The following PCDHA7 variants were observed in gnomAD, a reference collection of about 807,000 sequenced individuals.
PCDHA7 encodes the protein protocadherin alpha-7.
PCDHA7 carries 37 observed loss-of-function variants against 57.2 expected under a neutral mutation model. That is an observed-to-expected ratio of 0.65 (90% CI 0.50 to 0.85). PCDHA7 has a LOEUF of 0.85. Ranked by LOEUF, PCDHA7 falls within the 40% of genes least tolerant of loss-of-function variation. The probability of loss-of-function intolerance (pLI) is 0.00; values close to 1 mark genes in which losing one functional copy is unlikely to be tolerated. For synonymous variants in PCDHA7, 553 were observed against 558.8 expected, an observed-to-expected ratio of 0.99 and a Z score of 0.15; for missense variants, 1,188 against 1,241.8, an observed-to-expected ratio of 0.96 and a Z score of 0.65.
rs2150459394 is a variant in PCDHA7 at position 140,849,947 on chromosome 5, G to A, written c.2355+13209G>A. ...CGGTGTCTGCGCGGGACGCTGACGC[G>A]CAGGAGAACGCCCTGGTGTCCTACT... On this transcript the variant is annotated intron_variant, in intron 1 of 3. Transcript: ENST00000525929. 23 of 1,597,838 alleles carry A rather than the reference G, an allele frequency of 1.4e-5. 5 individuals carry two copies. The highest frequency in any genetic ancestry group is 3.3e-5 in the South Asian group (3 of 90,532).
Position 140,838,414 on chromosome 5 carries a change from G to A in PCDHA7, c.2355+1676G>A, listed in dbSNP as rs2150289048. 3.3e-5 allele frequency among the ~76,000 whole-genome samples: 5 copies of A among 151,096 alleles called. No homozygotes were observed. The South Asian group carries it at 6.3e-4, about 19-fold the overall frequency. On this transcript the variant is annotated intron_variant, in intron 1 of 3. Coordinates refer to ENST00000525929, the MANE Select transcript of PCDHA7 (RefSeq NM_018910.3). ...GCTGGGATTACAGGAGTGAGCCACC[G>A]CATCCGGCCTAAATTATATATTGGG...
chr5:140,853,105 T>G, intron 1 of PCDHA7: 1 of 397,242 alleles, frequency 2.5e-6, no homozygotes, highest in African/African-American at 2.2e-5. Context: ...GGTCTCGATC[T>G]CCTGACCTCA....
At chr5:140,888,426 C>G (rs1315110358) in intron 1 of PCDHA7, among the ~76,000 whole-genome samples, 1 of 152,168 alleles carries the variant, frequency 6.6e-6, no homozygotes, top group Non-Finnish European at 1.5e-5. Flanking sequence ...CTACCGTGCA[C>G]AGGACAGCCG....
intron 1 of PCDHA7, among the ~76,000 whole-genome samples, chr5:140,973,235 A>C (rs1390895303): frequency 6.6e-6 from 1 of 152,218 alleles, no homozygotes; most frequent in Non-Finnish European, 1.5e-5. Context: ...GTGACCTGAA[A>C]GAGTTAATTC....
intron 3 of PCDHA7, among the ~76,000 whole-genome samples, chr5:141,008,863 C>T (rs902385521): frequency 6.6e-6 from 1 of 152,204 alleles, no homozygotes. Flanking sequence ...CTCTTCCATG[C>T]TGCATCCCAC....
rs569728778 is a variant in PCDHA7 at position 140,900,297 on chromosome 5, T to G, written c.2355+63559T>G. 1.4e-4 allele frequency among the ~76,000 whole-genome samples: 22 copies of G among 151,920 alleles called. No individual in the cohort carries two copies. In the East Asian group the frequency reaches 4.1e-3, roughly 28 times the overall value. On this transcript the variant is annotated intron_variant, in intron 1 of 3. Transcript: ENST00000525929. Reference sequence around the variant, plus strand: ...TACCACACTTTCTTTTCTGTTTTTTTAGACAGTCTCACTTTTGTCGCCCAG... The same window carrying G: ...TACCACACTTTCTTTTCTGTTTTTTGAGACAGTCTCACTTTTGTCGCCCAG...
chr5:140,843,177 G>C lies in PCDHA7; in HGVS notation c.2355+6439G>C. ...CTGCAGCCAGCTGCAAGCAGCCCTC[G>C]CATCCCGTTCCGCGTGGGGCTGTAC... On this transcript the variant is annotated intron_variant, in intron 1 of 3. Transcript: ENST00000525929. 3.1e-6 allele frequency: 5 copies of C among 1,596,056 alleles called. 2 individuals are homozygous for C. Among genetic ancestry groups the C allele is most frequent in the Non-Finnish European group, 4.3e-6 (5 of 1,165,590 alleles).
In PCDHA7 at chr5:140,871,383, G is replaced by C. The variant is rs200820570; in HGVS notation, c.2355+34645G>C. 9.3e-6 allele frequency: 15 copies of C among 1,614,204 alleles called. No homozygotes were observed. The highest frequency in any genetic ancestry group is 6.7e-5 in the East Asian group (3 of 44,886). Reference sequence around the variant, plus strand: ...AGAGGCGGCAGAGGGTGTGCTCTGAGGAGGGCCCACCTAAGACGGACCTCA... The same window carrying C: ...AGAGGCGGCAGAGGGTGTGCTCTGACGAGGGCCCACCTAAGACGGACCTCA... On this transcript the variant is annotated intron_variant, in intron 1 of 3. Coordinates refer to ENST00000525929, the MANE Select transcript of PCDHA7 (RefSeq NM_018910.3).
At chr5:141,005,868 G>T (rs1428789229) in intron 3 of PCDHA7, among the ~76,000 whole-genome samples, 1 of 152,078 alleles carries the variant, frequency 6.6e-6, no homozygotes, top group African/African-American at 2.4e-5. Flanking sequence ...GGTCGATTGA[G>T]TCCAGGAGTT....
At chr5:140,902,702 C>T (rs78828243) in intron 1 of PCDHA7, among the ~76,000 whole-genome samples, 7,835 of 152,116 alleles carry the variant, frequency 0.052, 268 homozygotes, top group Admixed American at 0.075. Flanking sequence ...AGTCTTTTAT[C>T]TTTCACTCCC....
intron 1 of PCDHA7, chr5:140,884,365 CT>C (rs1264541175): frequency 6.2e-7 from 1 of 1,613,846 alleles, no homozygotes; most frequent in Non-Finnish European, 8.5e-7. Context: ...TCAATGTTTA[CT>C]TGATCATTGC....
Position 140,836,397 on chromosome 5 carries a change from A to G in PCDHA7, c.2014A>G (p.Ser672Gly), listed in dbSNP as rs1554135905. ...CACCGTGCTGGTGTCGCTGGTGGAA[A>G]GCGGCCAGGCACCAAAGGCGTCGTC... The part of the protein sequence containing the change: ...TATVLVSLVE[S>G]GQAPKASSRA... Residue 672 changes from serine (S) to glycine (G), a missense_variant, in exon 1 of 4, where the codon AGC (serine) becomes GGC (glycine). By Grantham distance (56) the Ser-to-Gly change is moderately conservative. This residue lies in a region of PCDHA7 where 892 missense variants were observed against 788.5 expected (regional missense o/e 1.13). Transcript: ENST00000525929. 6 of 1,613,640 alleles carry G rather than the reference A, an allele frequency of 3.7e-6. No individual in the cohort carries two copies. The highest frequency in any genetic ancestry group is 5.1e-6 in the Non-Finnish European group (6 of 1,179,848).
intron 3 of PCDHA7, 48 bp from the exon 4 acceptor site, chr5:141,009,579 A>T: frequency 6.3e-7 from 1 of 1,586,202 alleles, no homozygotes; most frequent in Non-Finnish European, 8.6e-7. Context: ...TGTGGCATCA[A>T]GAGCATGTGT....
chr5:140,894,649 T>C (rs1270978331), intron 1 of PCDHA7, among the ~76,000 whole-genome samples: 3 of 152,024 alleles, frequency 2.0e-5, no homozygotes, highest in African/African-American at 7.2e-5. Context: ...ACTGAGTCTC[T>C]CTAATTCTGA....
intron 1 of PCDHA7, among the ~76,000 whole-genome samples, chr5:140,913,872 G>A (rs2076493472): frequency 6.6e-6 from 1 of 151,980 alleles, no homozygotes; most frequent in Non-Finnish European, 1.5e-5. Flanking sequence ...TAATTTCCAT[G>A]TGTTCATGTA....
At position 140,835,736 on chromosome 5, in the gene PCDHA7, C is replaced by T. The variant is rs2150243450; in HGVS notation, c.1353C>T (p.Asn451=). ...TGGAGGTGGCCGACGTGAACGACAACGCCCCGGCGTTCGCGCAGCCCGAGT... is the reference window on the plus strand; with the variant it reads ...TGGAGGTGGCCGACGTGAACGACAATGCCCCGGCGTTCGCGCAGCCCGAGT... ...VSVEVADVND[N]APAFAQPEYT... Residue 451 remains asparagine (N), a synonymous_variant, in exon 1 of 4, where the codon AAC becomes AAT. Coordinates refer to ENST00000525929, the MANE Select transcript of PCDHA7 (RefSeq NM_018910.3). 7.4e-6 allele frequency: 12 copies of T among 1,613,586 alleles called. No individual in the cohort carries two copies. The African/African-American group carries it at 8.0e-5, about 11-fold the overall frequency.
chr5:140,856,258 C>G, intron 1 of PCDHA7: 1 of 1,598,068 alleles, frequency 6.3e-7, no homozygotes, highest in South Asian at 1.1e-5. Context: ...CCAAAAGACA[C>G]GGGGACCTTC....
intron 3 of PCDHA7, among the ~76,000 whole-genome samples, chr5:141,001,942 TAAG>T (rs140166770): frequency 0.017 from 2,515 of 151,936 alleles, 63 homozygotes; most frequent in African/African-American, 0.058. Context: ...TGAGCGGAAA[TAAG>T]GAGGAGGGAG....
In PCDHA7 at chr5:140,850,283, A is replaced by C. The variant is rs143335350; in HGVS notation, c.2355+13545A>C. The C allele has an allele frequency of 4.9e-5, 78 of 1,595,592 alleles. 6 individuals carry two copies. In the African/African-American group the frequency reaches 9.3e-4, roughly 19 times the overall value. On this transcript the variant is annotated intron_variant, in intron 1 of 3. Coordinates refer to ENST00000525929, the MANE Select transcript of PCDHA7 (RefSeq NM_018910.3). ...GCGTAGTGGTGGGGAAGGTGCGCGC[A>C]GTGGACGCCGACTCGGGCTACAACG...
Sources: allele counts gnomAD v4.1 joint callset (sites outside exome capture counted in the v4.1 genomes callset), GRCh38; gene constraint gnomAD v4.1.1; regional missense constraint gnomAD v4.1.1; transcripts MANE v1.5; gene names NCBI Gene and HGNC (gene_info 2026-07-23, HGNC 2026-07-21).